GPHN: variants seen among roughly 807,000 people sequenced by gnomAD.
GPHN encodes the protein gephyrin.
GPHN carries 17 observed loss-of-function variants against 95.5 expected under a neutral mutation model. The ratio of observed to expected loss-of-function variants is 0.18; its 90% CI spans 0.12 to 0.27. The LOEUF (loss-of-function observed/expected upper bound fraction) is 0.27, where lower values mean the gene tolerates loss of function less well. Ranked by LOEUF, GPHN falls within the 10% of genes least tolerant of loss-of-function variation. The probability of loss-of-function intolerance (pLI) is 1.00; values close to 1 mark genes in which losing one functional copy is unlikely to be tolerated. For missense variants in GPHN, 660 were observed against 978.1 expected (o/e 0.67, Z 4.34); for synonymous variants, 320 against 322.5 (o/e 0.99, Z 0.08).
At chr14:67,432,130 A>G in the GPHN span, among the ~76,000 whole-genome samples, 2 of 152,228 alleles carry the variant, frequency 1.3e-5, no homozygotes, top group Non-Finnish European at 2.9e-5. Flanking sequence ...TTTCCAGCTT[A>G]AAGAATGTGT....
At chr14:66,788,584 A>G (rs2059865748) in intron 3 of GPHN, among the ~76,000 whole-genome samples, 1 of 152,238 alleles carries the variant, frequency 6.6e-6, no homozygotes. Flanking sequence ...TGATTTGTAT[A>G]CCAAATAAAC....
the GPHN span, among the ~76,000 whole-genome samples, chr14:67,440,409 G>A: frequency 2.0e-5 from 3 of 151,190 alleles, no homozygotes; most frequent in Admixed American, 6.6e-5. Flanking sequence ...CTCCCCCACC[G>A]AAAAAAAAAT....
At chr14:67,148,554 T>TTTG (rs1426242782) in intron 18 of GPHN, among the ~76,000 whole-genome samples, 1 of 144,746 alleles carries the variant, frequency 6.9e-6, no homozygotes, top group Non-Finnish European at 1.5e-5. Flanking sequence ...TAAGACTTTA[T>TTTG]TTGCTTTTTT....
intron 11 of GPHN, among the ~76,000 whole-genome samples, chr14:67,075,463 G>A (rs185285653): frequency 6.6e-6 from 1 of 152,210 alleles, no homozygotes; most frequent in East Asian, 1.9e-4. Context: ...ATAGATCAAG[G>A]AGTAATTTCA....
the GPHN span, among the ~76,000 whole-genome samples, chr14:67,529,886 C>G: frequency 6.6e-6 from 1 of 152,212 alleles, no homozygotes; most frequent in African/African-American, 2.4e-5. Context: ...TTCTTCTCCC[C>G]TCTCTTCCCC....
intron 13 of GPHN, among the ~76,000 whole-genome samples, chr14:67,105,832 G>C (rs1266712240): frequency 6.6e-6 from 1 of 151,950 alleles, no homozygotes; most frequent in African/African-American, 2.4e-5. Context: ...TACATTTAAG[G>C]TTATTACTGA....
At chr14:66,635,454 A>G (rs2064045140) in intron 1 of GPHN, among the ~76,000 whole-genome samples, 2 of 152,158 alleles carry the variant, frequency 1.3e-5, no homozygotes, top group East Asian at 3.8e-4. Context: ...GTTTAACTTC[A>G]TTATTAAGTG....
At chr14:67,220,457 A>G in the GPHN span, among the ~76,000 whole-genome samples, 7 of 151,680 alleles carry the variant, frequency 4.6e-5, no homozygotes, top group Non-Finnish European at 8.8e-5. Context: ...AAAAAAAAAA[A>G]GGTAAATGAT....
the GPHN span, chr14:67,592,853 T>G: frequency 8.1e-5 from 47 of 583,234 alleles, no homozygotes; most frequent in African/African-American, 7.6e-4. Context: ...TGGCGCAATC[T>G]CGGCTCACTG....
the GPHN span, among the ~76,000 whole-genome samples, chr14:67,324,398 C>T: frequency 1.3e-5 from 2 of 152,132 alleles, no homozygotes; most frequent in Non-Finnish European, 2.9e-5. Context: ...AGGTGACTTA[C>T]TGTATCAGAG....
At chr14:66,688,062 A>C (rs1294491755) in intron 2 of GPHN, among the ~76,000 whole-genome samples, 2 of 152,240 alleles carry the variant, frequency 1.3e-5, no homozygotes, top group African/African-American at 4.8e-5. Flanking sequence ...ACAATGACAT[A>C]AACAGTTGAC....
intron 21 of GPHN, among the ~76,000 whole-genome samples, chr14:67,170,740 T>G (rs1479219020): frequency 6.6e-6 from 1 of 152,226 alleles, no homozygotes; most frequent in Non-Finnish European, 1.5e-5. Context: ...CCAGTATGGG[T>G]CATCAGTATG....
At chr14:67,580,607 A>G in the GPHN span, among the ~76,000 whole-genome samples, 1 of 152,206 alleles carries the variant, frequency 6.6e-6, no homozygotes, top group Non-Finnish European at 1.5e-5. Context: ...TATTTGTTGA[A>G]GAGGAGAATA....
At chr14:67,316,683 T>C in the GPHN span, 2 of 535,946 alleles carry the variant, frequency 3.7e-6, no homozygotes, top group Non-Finnish European at 6.5e-6. Flanking sequence ...TTACACATCA[T>C]AGCTGACATT....
At chr14:67,278,673 A>G in the GPHN span, among the ~76,000 whole-genome samples, 1 of 152,244 alleles carries the variant, frequency 6.6e-6, no homozygotes, top group South Asian at 2.1e-4. Context: ...AAAGATGATT[A>G]AAACACCTTT....
intron 3 of GPHN, among the ~76,000 whole-genome samples, chr14:66,787,772 C>CAA (rs554568137): frequency 1.5e-5 from 2 of 130,636 alleles, no homozygotes; most frequent in African/African-American, 5.6e-5. Flanking sequence ...AATCAACAGG[C>CAA]AAAAAAAAAA....
chr14:67,274,195 C>T, the GPHN span, among the ~76,000 whole-genome samples: 1 of 152,132 alleles, frequency 6.6e-6, no homozygotes, highest in Non-Finnish European at 1.5e-5. Flanking sequence ...GAAGTCCTTG[C>T]CCATGCCTAT....
At chr14:67,658,194 T>C in the GPHN span, among the ~76,000 whole-genome samples, 6 of 149,860 alleles carry the variant, frequency 4.0e-5, no homozygotes, top group Non-Finnish European at 7.4e-5. Flanking sequence ...TTCAACTGAG[T>C]AGGCTAAAAA....
chr14:67,357,706 T>C, the GPHN span, among the ~76,000 whole-genome samples: 4 of 152,170 alleles, frequency 2.6e-5, no homozygotes, highest in South Asian at 6.2e-4. Flanking sequence ...TCAATTCTCA[T>C]TTGTGCAGAG....
Sources: allele counts gnomAD v4.1 joint callset (sites outside exome capture counted in the v4.1 genomes callset), GRCh38; gene constraint gnomAD v4.1.1; transcripts MANE v1.5; gene names NCBI Gene and HGNC (gene_info 2026-07-23, HGNC 2026-07-21).